Variants in AKT3 observed in about 807,000 individuals in gnomAD.
AKT3 encodes AKT serine/threonine kinase 3, also known as RAC-gamma serine/threonine-protein kinase.
AKT3 carries 15 observed loss-of-function variants against 65.3 expected under a neutral mutation model. The observed-to-expected ratio is 0.23, with a 90% CI of 0.15 to 0.35. The LOEUF is 0.35. Among genes scored for constraint, AKT3 ranks in the 10% least tolerant of loss-of-function variants. The pLI is 1.00. For synonymous variants in AKT3, 206 were observed against 183.8 expected, an observed-to-expected ratio of 1.12 and a Z score of -0.98; for missense variants, 243 against 576.5, an observed-to-expected ratio of 0.42 and a Z score of 5.92.
At chr1:243,728,003 C>T (rs776375676) in intron 2 of AKT3, among the ~76,000 whole-genome samples, 1 of 152,086 alleles carries the variant, frequency 6.6e-6, no homozygotes, top group Non-Finnish European at 1.5e-5. Context: ...ATGTTGTAGT[C>T]CTATGACATT....
chr1:243,512,232 A>AAC (rs1670058999), intron 13 of AKT3, 92 bp downstream of exon 13: 3 of 647,358 alleles, frequency 4.6e-6, no homozygotes, highest in Non-Finnish European at 7.6e-6. Context: ...GATCTTGAAA[A>AAC]TATCAGATGA....
intron 3 of AKT3, among the ~76,000 whole-genome samples, chr1:243,689,497 T>C (rs1331894941): frequency 1.3e-5 from 2 of 150,898 alleles, no homozygotes; most frequent in African/African-American, 4.9e-5. Flanking sequence ...TTTTTTTTTT[T>C]TTTTTTTAAA....
At chr1:243,645,161 T>C (rs1306634767) in intron 5 of AKT3, among the ~76,000 whole-genome samples, 1 of 152,174 alleles carries the variant, frequency 6.6e-6, no homozygotes, top group Non-Finnish European at 1.5e-5. Flanking sequence ...GGATAATACC[T>C]TGAAAATTTG....
chr1:243,725,592 G>T (rs1687163608), intron 2 of AKT3, among the ~76,000 whole-genome samples: 1 of 152,130 alleles, frequency 6.6e-6, no homozygotes. Flanking sequence ...AGGGTTAAGG[G>T]TCGGGGGCAT....
chr1:243,693,241 T>G (rs1182380946), intron 3 of AKT3, among the ~76,000 whole-genome samples: 1 of 38,262 alleles, frequency 2.6e-5, no homozygotes, highest in African/African-American at 1.0e-4. Flanking sequence ...TAGCTACAAT[T>G]TGATATATAT....
chr1:243,704,123 T>C (rs529158104), intron 2 of AKT3, among the ~76,000 whole-genome samples: 4 of 152,282 alleles, frequency 2.6e-5, no homozygotes, highest in South Asian at 2.1e-4. Context: ...AATTGAGCAA[T>C]GTCTAAGCAT....
At chr1:243,730,146 A>T (rs1687459090) in intron 2 of AKT3, among the ~76,000 whole-genome samples, 2 of 152,112 alleles carry the variant, frequency 1.3e-5, no homozygotes, top group South Asian at 4.1e-4. Flanking sequence ...TGTTTTTTCC[A>T]GGTCCACCCA....
At chr1:243,833,541 C>G (rs1340868922) in intron 2 of AKT3, among the ~76,000 whole-genome samples, 1 of 152,020 alleles carries the variant, frequency 6.6e-6, no homozygotes. Flanking sequence ...TCTCCCTTGA[C>G]ACGTAGGGAT....
intron 2 of AKT3, among the ~76,000 whole-genome samples, chr1:243,734,259 C>T (rs1558763905): frequency 6.6e-6 from 1 of 152,094 alleles, no homozygotes; most frequent in Non-Finnish European, 1.5e-5. Context: ...CACAAATAAA[C>T]TGAAACACTG....
chr1:243,833,876 A>C lies in AKT3; in HGVS notation c.46+9249T>G, dbSNP rs189551666. 2.0e-5 allele frequency among the ~76,000 whole-genome samples: 3 copies of C among 152,162 alleles called. No individual in the cohort carries two copies. In the East Asian group the frequency reaches 5.8e-4, roughly 29 times the overall value. ...GGAGTTTGAGACCAGCCTGGACAAC[A>C]TATTGAGACTCCATCTCTATAAAAA... is the stretch of plus-strand genomic sequence containing the variant. On this transcript the variant is annotated intron_variant, in intron 2 of 13. Coordinates refer to ENST00000673466, the MANE Select transcript of AKT3 (RefSeq NM_005465.7).
chr1:243,642,362 T>C (rs895513646), intron 5 of AKT3, among the ~76,000 whole-genome samples: 9 of 152,244 alleles, frequency 5.9e-5, no homozygotes, highest in South Asian at 4.1e-4. Flanking sequence ...CAGGCTAGAG[T>C]GCAGTGGCAC....
intron 2 of AKT3, among the ~76,000 whole-genome samples, chr1:243,777,311 A>C (rs1290783326): frequency 6.6e-6 from 1 of 152,188 alleles, no homozygotes; most frequent in Non-Finnish European, 1.5e-5. Context: ...AGCTAATCTG[A>C]CAAGAGGTGG....
intron 3 of AKT3, among the ~76,000 whole-genome samples, chr1:243,666,837 G>C (rs1682816395): frequency 6.6e-6 from 1 of 152,178 alleles, no homozygotes; most frequent in Non-Finnish European, 1.5e-5. Flanking sequence ...AGCCTGTTTT[G>C]TAGTAAAGTA....
At chr1:243,738,985 C>G (rs554570875) in intron 2 of AKT3, among the ~76,000 whole-genome samples, 2 of 152,214 alleles carry the variant, frequency 1.3e-5, no homozygotes, top group South Asian at 2.1e-4. Flanking sequence ...AACGAATTCA[C>G]CATCTCTCAT....
chr1:243,552,183 G>T (rs538945134), intron 11 of AKT3, among the ~76,000 whole-genome samples: 1 of 150,756 alleles, frequency 6.6e-6, no homozygotes, highest in African/African-American at 2.4e-5. Context: ...CAGCCACTCG[G>T]GAGGCTGAGG....
intron 2 of AKT3, among the ~76,000 whole-genome samples, chr1:243,825,300 G>C (rs547122515): frequency 1.3e-4 from 20 of 152,130 alleles, no homozygotes; most frequent in Non-Finnish European, 2.1e-4. Context: ...TGCATGTTGG[G>C]CTTAATACCT....
intron 2 of AKT3, among the ~76,000 whole-genome samples, chr1:243,818,764 G>A (rs1490956126): frequency 1.3e-5 from 2 of 151,734 alleles, no homozygotes; most frequent in Non-Finnish European, 2.9e-5. Flanking sequence ...TGTGGCCAGA[G>A]GCTCCCACCA....
chr1:243,812,685 A>T (rs1188753301), intron 2 of AKT3, among the ~76,000 whole-genome samples: 1 of 152,172 alleles, frequency 6.6e-6, no homozygotes, highest in Non-Finnish European at 1.5e-5. Flanking sequence ...TACCCAAAGG[A>T]TTATAAATCA....
intron 2 of AKT3, among the ~76,000 whole-genome samples, chr1:243,830,413 G>A (rs537993012): frequency 1.9e-4 from 29 of 152,238 alleles, no homozygotes; most frequent in African/African-American, 6.5e-4. Flanking sequence ...GCTGCAAACC[G>A]TGTCTTATAA....
Sources: allele counts gnomAD v4.1 joint callset (sites outside exome capture counted in the v4.1 genomes callset), GRCh38; gene constraint gnomAD v4.1.1; transcripts MANE v1.5; gene names NCBI Gene and HGNC (gene_info 2026-07-23, HGNC 2026-07-21).